Variants in RAP1A observed in about 807,000 individuals in gnomAD.
RAP1A encodes the protein RAP1A, member of RAS oncogene family, also known as ras-related protein Rap-1A.
A neutral mutation model predicts 26.4 loss-of-function variants in RAP1A; 6 were observed. The observed-to-expected ratio is 0.23, with a 90% CI of 0.12 to 0.45. The LOEUF is 0.45. Ranked by LOEUF, RAP1A falls within the 20% of genes least tolerant of loss-of-function variation. The pLI, the probability that RAP1A is intolerant of heterozygous loss-of-function variation, is 0.99. For missense variants in RAP1A, 121 were observed against 217.2 expected (o/e 0.56, Z 2.78); for synonymous variants, 73 against 79.4 (o/e 0.92, Z 0.43).
chr1:111,656,784 T>C (rs1349873884), intron 1 of RAP1A, among the ~76,000 whole-genome samples: 1 of 151,980 alleles, frequency 6.6e-6, no homozygotes, highest in Admixed American at 6.6e-5. Flanking sequence ...TCTGCTCTGA[T>C]TGTTTTTTTT....
At chr1:111,591,046 A>G (rs1156522691) in intron 1 of RAP1A, among the ~76,000 whole-genome samples, 1 of 152,172 alleles carries the variant, frequency 6.6e-6, no homozygotes, top group Non-Finnish European at 1.5e-5. Flanking sequence ...TAGATTTTAA[A>G]CTACCAATTC....
chr1:111,678,800 G>T (rs182241391), intron 1 of RAP1A, among the ~76,000 whole-genome samples: 1 of 151,018 alleles, frequency 6.6e-6, no homozygotes, highest in Non-Finnish European at 1.5e-5. Flanking sequence ...CTGCAACTTC[G>T]CTAAATTCAC....
chr1:111,563,736 T>G, intron 1 of RAP1A: 1 of 757,586 alleles, frequency 1.3e-6, no homozygotes. Flanking sequence ...GACAAAGCAT[T>G]GATTAAGTAG....
chr1:111,688,975 T>C (rs934815803), intron 1 of RAP1A, among the ~76,000 whole-genome samples: 3 of 151,678 alleles, frequency 2.0e-5, no homozygotes, highest in South Asian at 2.1e-4. Context: ...GCTGGGACCA[T>C]AGGCACATGC....
At position 111,596,138 on chromosome 1, in the gene RAP1A, G is replaced by C. The variant is rs575417647; in HGVS notation, c.-28+53629G>C. On this transcript the variant is annotated intron_variant, in intron 1 of 7. Coordinates refer to the RAP1A transcript ENST00000356415. The stretch of plus-strand genomic sequence containing the variant: ...AGTGCAATTTTAAAAAAGAGTTAAT[G>C]CTTATTGATTAAAGGCAGGGCTTTC... 3.9e-5 allele frequency among the ~76,000 whole-genome samples: 6 copies of C among 152,260 alleles called. No homozygotes were observed. In the East Asian group the frequency reaches 7.7e-4, roughly 20 times the overall value.
intron 1 of RAP1A, among the ~76,000 whole-genome samples, chr1:111,642,348 A>G (rs1557875285): frequency 6.6e-6 from 1 of 152,196 alleles, no homozygotes; most frequent in Non-Finnish European, 1.5e-5. Context: ...CTCAAACAGT[A>G]TTTTATGCAT....
At position 111,713,353 on chromosome 1, in the gene RAP1A, C is replaced by G. The variant is rs1014798880; in HGVS notation, c.*952C>G. 1 of 152,064 alleles carries G rather than the reference C, an allele frequency of 6.6e-6. No homozygotes were observed. The highest frequency in any genetic ancestry group is 2.4e-5 in the African/African-American group (1 of 41,412). The allele number at this position is 152,064 out of a possible 1,614,324, so 9.4% of individuals were successfully genotyped here. ...ACAACATAGAATAGTTTTGTATATT[C>G]TCTCTTGATCTTAAAGATTGTATCT... On this transcript the variant is annotated 3_prime_UTR_variant, in exon 8 of 8. Transcript: ENST00000369709.
At chr1:111,612,216 C>T (rs1658937591) in intron 1 of RAP1A, among the ~76,000 whole-genome samples, 1 of 152,176 alleles carries the variant, frequency 6.6e-6, no homozygotes, top group Admixed American at 6.5e-5. Context: ...CTTCTGCCTA[C>T]ACTGGGCTCT....
At chr1:111,669,386 C>T (rs1413192947) in intron 1 of RAP1A, among the ~76,000 whole-genome samples, 1 of 152,180 alleles carries the variant, frequency 6.6e-6, no homozygotes, top group Non-Finnish European at 1.5e-5. Context: ...ATGTGTGTAA[C>T]TTCTAGATCA....
At chr1:111,556,048 AAAC>A (rs1182689621) in intron 1 of RAP1A, among the ~76,000 whole-genome samples, 1 of 152,238 alleles carries the variant, frequency 6.6e-6, no homozygotes, top group Non-Finnish European at 1.5e-5. Context: ...AACGCACAAG[AAAC>A]TCCTGCAACT....
intron 1 of RAP1A, among the ~76,000 whole-genome samples, chr1:111,680,444 G>A (rs1661256026): frequency 1.3e-5 from 2 of 152,220 alleles, no homozygotes; most frequent in South Asian, 4.1e-4. Flanking sequence ...GCTTTTTTCA[G>A]AGTGCTGATT....
intron 1 of RAP1A, among the ~76,000 whole-genome samples, chr1:111,609,149 A>T (rs929154972): frequency 6.6e-6 from 1 of 152,030 alleles, no homozygotes; most frequent in Non-Finnish European, 1.5e-5. Flanking sequence ...GAACCCTCCA[A>T]CTCCCAGCAA....
At chr1:111,615,741 G>T (rs533119334), upstream of RAP1A, among the ~76,000 whole-genome samples, 35 of 149,436 alleles carry the variant, frequency 2.3e-4, no homozygotes, top group African/African-American at 7.9e-4. Context: ...TGAAGCAGGA[G>T]AATCGCTTGA....
At chr1:111,688,721 G>T (rs1279662764) in intron 1 of RAP1A, among the ~76,000 whole-genome samples, 1 of 150,978 alleles carries the variant, frequency 6.6e-6, no homozygotes, top group Non-Finnish European at 1.5e-5. Context: ...TGATTATTGT[G>T]CCTCGTTGTG....
intron 1 of RAP1A, among the ~76,000 whole-genome samples, chr1:111,630,341 A>G (rs904674411): frequency 6.6e-6 from 1 of 152,162 alleles, no homozygotes; most frequent in Non-Finnish European, 1.5e-5. Flanking sequence ...ATCATTCCCT[A>G]CAGTAATAAT....
At chr1:111,653,973 A>T (rs145522155) in intron 1 of RAP1A, among the ~76,000 whole-genome samples, 2 of 152,320 alleles carry the variant, frequency 1.3e-5, no homozygotes, top group African/African-American at 4.8e-5. Context: ...GGCAAGATGT[A>T]AGTGGAAGAA....
At chr1:111,638,506 G>A (rs1659790936) in intron 1 of RAP1A, among the ~76,000 whole-genome samples, 2 of 152,190 alleles carry the variant, frequency 1.3e-5, no homozygotes, top group South Asian at 2.1e-4. Flanking sequence ...CTGTGGCAGG[G>A]TCACGGCTTA....
At chr1:111,554,877 A>G (rs1034857786) in intron 1 of RAP1A, among the ~76,000 whole-genome samples, 2 of 152,232 alleles carry the variant, frequency 1.3e-5, no homozygotes, top group African/African-American at 4.8e-5. Flanking sequence ...CACAATTTAC[A>G]AAAGTCACAA....
chr1:111,643,164 G>T (rs1197077799), intron 1 of RAP1A, among the ~76,000 whole-genome samples: 7 of 152,078 alleles, frequency 4.6e-5, no homozygotes, highest in African/African-American at 1.7e-4. Context: ...GCTGTTATAG[G>T]GTGAAAGCCA....
Sources: allele counts gnomAD v4.1 joint callset (sites outside exome capture counted in the v4.1 genomes callset), GRCh38; gene constraint gnomAD v4.1.1; transcripts MANE v1.5; gene names NCBI Gene and HGNC (gene_info 2026-07-23, HGNC 2026-07-21).